ODAD2: variants seen among roughly 807,000 people sequenced by gnomAD.
ODAD2 encodes the protein outer dynein arm docking complex subunit 2.
ODAD2 carries 89 observed loss-of-function variants against 106.8 expected under a neutral mutation model. The observed-to-expected ratio is 0.83, with a 90% confidence interval of 0.70 to 0.99. ODAD2 has a LOEUF of 0.99. ODAD2 is among the 50% of genes least tolerant of loss of function. ODAD2 has a pLI of 0.00. For missense variants in ODAD2, 1,168 were observed against 1,238.5 expected, an observed-to-expected ratio of 0.94 and a Z score of 0.85; for synonymous variants, 404 against 436.2, an observed-to-expected ratio of 0.93 and a Z score of 0.92.
At chr10:27,843,611 G>GA (rs1038517369) in intron 19 of ODAD2, among the ~76,000 whole-genome samples, 11 of 151,838 alleles carry the variant, frequency 7.2e-5, no homozygotes, top group African/African-American at 2.7e-4. Flanking sequence ...ACTAAAAATA[G>GA]AAAAAAATTA....
chr10:27,873,024 C>T (rs1245360091), intron 17 of ODAD2, among the ~76,000 whole-genome samples: 4 of 151,054 alleles, frequency 2.6e-5, no homozygotes, highest in Non-Finnish European at 4.4e-5. Context: ...ATTGTTGCCT[C>T]AATTTCAGAG....
At chr10:27,905,889 T>C (rs957327411) in intron 17 of ODAD2, among the ~76,000 whole-genome samples, 1 of 152,110 alleles carries the variant, frequency 6.6e-6, no homozygotes, top group Non-Finnish European at 1.5e-5. Flanking sequence ...AAGACTTAAA[T>C]GTAAGACCTA....
chr10:27,906,430 T>C (rs1194674769), intron 17 of ODAD2, among the ~76,000 whole-genome samples: 1 of 152,156 alleles, frequency 6.6e-6, no homozygotes, highest in Non-Finnish European at 1.5e-5. Flanking sequence ...AAATTAGTTC[T>C]ACCATTGTGG....
chr10:27,915,454 G>T (rs1844293226), intron 16 of ODAD2, among the ~76,000 whole-genome samples: 1 of 152,004 alleles, frequency 6.6e-6, no homozygotes, highest in South Asian at 2.1e-4. Flanking sequence ...CTTTTAAAAG[G>T]GCATTAATTT....
At chr10:27,954,697 T>C (rs1847600738) in intron 10 of ODAD2, among the ~76,000 whole-genome samples, 1 of 152,236 alleles carries the variant, frequency 6.6e-6, no homozygotes, top group African/African-American at 2.4e-5. Context: ...ATATTTATTT[T>C]TGACTGCCAA....
chr10:27,815,079 G>A (rs1836026514), intron 19 of ODAD2, among the ~76,000 whole-genome samples: 1 of 152,132 alleles, frequency 6.6e-6, no homozygotes, highest in Non-Finnish European at 1.5e-5. Context: ...CTCGATCGAA[G>A]CCATTAGACA....
chr10:27,926,023 A>AG (rs1470237812), intron 16 of ODAD2, among the ~76,000 whole-genome samples: 1 of 151,470 alleles, frequency 6.6e-6, no homozygotes, highest in Non-Finnish European at 1.5e-5. Flanking sequence ...AAAAAAAAAA[A>AG]AGTAACACTT....
chr10:27,844,853 C>T (rs546805110), intron 19 of ODAD2, among the ~76,000 whole-genome samples: 20 of 152,196 alleles, frequency 1.3e-4, no homozygotes, highest in Non-Finnish European at 2.2e-4. Flanking sequence ...ATTTGGCTAG[C>T]GATGGGGTGG....
At chr10:27,865,697 A>G (rs1359045409) in intron 17 of ODAD2, among the ~76,000 whole-genome samples, 1 of 152,240 alleles carries the variant, frequency 6.6e-6, no homozygotes, top group Admixed American at 6.5e-5. Flanking sequence ...GTAGATACTC[A>G]ACTAACATTC....
intron 17 of ODAD2, among the ~76,000 whole-genome samples, chr10:27,886,946 A>G (rs181728302): frequency 6.6e-6 from 1 of 152,136 alleles, no homozygotes; most frequent in East Asian, 1.9e-4. Context: ...AAAAGCAGTA[A>G]TGAAGAAAAT....
In ODAD2 at chr10:27,935,732, T is replaced by C. The variant is rs1000131355; in HGVS notation, c.2253-480A>G. 3.3e-5 allele frequency among the ~76,000 whole-genome samples: 5 copies of C among 151,110 alleles called. No individual in the cohort carries two copies. The South Asian group carries it at 8.3e-4, about 25-fold the overall frequency. On this transcript the variant is annotated intron_variant, in intron 15 of 19. Transcript: ENST00000305242. Reference sequence around the variant, plus strand: ...AAAAAAAAGTCACTCTCAGGTATCTTCTATATTAACCACTAATACATTTTA... The same window carrying C: ...AAAAAAAAGTCACTCTCAGGTATCTCCTATATTAACCACTAATACATTTTA...
At chr10:27,848,720 C>G (rs1839000049) in intron 19 of ODAD2, among the ~76,000 whole-genome samples, 1 of 151,004 alleles carries the variant, frequency 6.6e-6, no homozygotes, top group Admixed American at 6.6e-5. Flanking sequence ...CAAGAAAAAA[C>G]TCCATCAAAA....
chr10:27,880,936 C>T (rs570761123), intron 17 of ODAD2, among the ~76,000 whole-genome samples: 16 of 152,302 alleles, frequency 1.1e-4, no homozygotes, highest in East Asian at 7.7e-4. Context: ...AAGATTTCTA[C>T]GTGAACCCAA....
intron 17 of ODAD2, among the ~76,000 whole-genome samples, chr10:27,885,737 T>TA (rs1367530369): frequency 2.1e-5 from 1 of 47,486 alleles, no homozygotes; most frequent in Non-Finnish European, 3.7e-5. Context: ...ATAAAATATA[T>TA]TATGTTATAT....
chr10:27,828,973 C>T lies in ODAD2; in HGVS notation c.3022-16348G>A, dbSNP rs757961959. On this transcript the variant is annotated intron_variant, in intron 19 of 19. Coordinates refer to ENST00000305242, the MANE Select transcript of ODAD2 (RefSeq NM_018076.5). ...ATATGTATCTGTCTTCCAAAATGGG[C>T]ACATTATTAGAAGAAATTCGAAACC... is the stretch of plus-strand genomic sequence containing the variant. Among the ~76,000 whole-genome samples the T allele has an allele frequency of 2.8e-4, 43 of 151,874 alleles. 1 individual carries two copies. The highest frequency in any genetic ancestry group is 3.3e-4 in the Admixed American group (5 of 15,244).
At chr10:27,997,358 T>C (rs1850617262) in intron 1 of ODAD2, 2 of 152,110 alleles carry the variant, frequency 1.3e-5, no homozygotes, top group South Asian at 4.1e-4. Context: ...AAGGCTTAGG[T>C]GAAAGTTCTG....
intron 6 of ODAD2, 67 bp from the exon 7 acceptor site, chr10:27,981,649 A>T (rs1352379475): frequency 9.1e-7 from 1 of 1,102,710 alleles, no homozygotes; most frequent in Admixed American, 2.8e-5. Flanking sequence ...TGATCAATAC[A>T]TCACAAGCTA....
chr10:27,940,630 A>G lies in ODAD2; in HGVS notation c.1919T>C (p.Leu640Pro). 6.2e-7 allele frequency: 1 copy of G among 1,614,154 alleles called. No homozygotes were observed. Residue 640 changes from leucine (L) to proline (P), a missense_variant, in exon 13 of 20, where the codon CTG becomes CCG. Physicochemically the swap from Leu to Pro is moderately conservative, Grantham distance 98. Around this residue, in one of 3 missense-constraint regions of ODAD2, gnomAD observed 701 missense variants for 712.3 expected, o/e 0.98. Coordinates refer to ENST00000305242, the MANE Select transcript of ODAD2 (RefSeq NM_018076.5). ...CATGTTTTCATGAGAAGTCTTCAGC[A>G]GCCGAGCCAACAGAGGAATGCCCCC... ...KAGGIPLLAR[L>P]LKTSHENMLI... is the part of the protein sequence containing the mutation.
At chr10:27,876,322 T>G (rs1841338767) in intron 17 of ODAD2, among the ~76,000 whole-genome samples, 2 of 152,152 alleles carry the variant, frequency 1.3e-5, no homozygotes, top group African/African-American at 2.4e-5. Context: ...CACCCCACAC[T>G]GCCGGGTACC....
Sources: allele counts gnomAD v4.1 joint callset (sites outside exome capture counted in the v4.1 genomes callset), GRCh38; gene constraint gnomAD v4.1.1; regional missense constraint gnomAD v4.1.1; transcripts MANE v1.5; gene names NCBI Gene and HGNC (gene_info 2026-07-23, HGNC 2026-07-21).